Variants in BCL11A observed in about 807,000 individuals in gnomAD.
BCL11A encodes the protein B cell CLL/lymphoma 11A.
BCL11A carries 2 observed loss-of-function variants against 55.9 expected under a neutral mutation model. That is an observed-to-expected ratio of 0.04 (90% CI 0.01 to 0.11). The LOEUF is 0.11. Among genes scored for constraint, BCL11A ranks in the 10% least tolerant of loss-of-function variants. The pLI, the probability that BCL11A is intolerant of heterozygous loss-of-function variation, is 1.00. For synonymous variants in BCL11A, 465 were observed against 473.4 expected (o/e 0.98, Z 0.23); for missense variants, 817 against 1,137.1 (o/e 0.72, Z 4.05).
intron 3 of BCL11A, among the ~76,000 whole-genome samples, chr2:60,467,963 A>G (rs1484237038): frequency 1.9e-4 from 12 of 63,550 alleles, no homozygotes; most frequent in East Asian, 4.6e-4. Context: ...ACTGGTGGTG[A>G]TGGTGGTGGT....
At chr2:60,482,716 G>A (rs1678032662) in intron 2 of BCL11A, among the ~76,000 whole-genome samples, 2 of 152,344 alleles carry the variant, frequency 1.3e-5, no homozygotes, top group Non-Finnish European at 2.9e-5. Flanking sequence ...GAAGACTGCT[G>A]CTTCAGTGGT....
chr2:60,475,631 T>C (rs733628), intron 2 of BCL11A, among the ~76,000 whole-genome samples: 11,580 of 152,212 alleles, frequency 0.076, 578 homozygotes, highest in Non-Finnish European at 0.11. Flanking sequence ...CCCTCCAAAT[T>C]TCCCCTCTTT....
chr2:60,486,417 A>G (rs1185989628), intron 2 of BCL11A, among the ~76,000 whole-genome samples: 1 of 152,250 alleles, frequency 6.6e-6, no homozygotes, highest in Non-Finnish European at 1.5e-5. Flanking sequence ...GTAGTTAAGT[A>G]CTGAAGTGAG....
At chr2:60,526,649 T>C (rs1412607476) in intron 2 of BCL11A, 1 of 152,236 alleles carries the variant, frequency 6.6e-6, no homozygotes, top group Non-Finnish European at 1.5e-5. Flanking sequence ...CCTCTCGGAT[T>C]ATGAAACAAT....
At chr2:60,496,432 C>T (rs1003424769) in intron 2 of BCL11A, 9 of 152,298 alleles carry the variant, frequency 5.9e-5, no homozygotes, top group African/African-American at 2.2e-4. Flanking sequence ...TGCTGCCAGT[C>T]TGACAATAAG....
rs10699821 is a variant in BCL11A at position 60,530,332 on chromosome 2, TA to T, written c.385+15638del. ...TCCAACAAGTTAAACTTCAGCCATT[TA>T]AAAAAAAAAAAAAAAAAGAGTTTCC... On this transcript the variant is annotated intron_variant, in intron 2 of 3. Coordinates refer to ENST00000642384, the MANE Select transcript of BCL11A (RefSeq NM_022893.4). Among the ~76,000 whole-genome samples the T allele has an allele frequency of 8.9e-3, 1,158 of 129,878 alleles. 8 individuals are homozygous for T. The highest frequency in any genetic ancestry group is 0.027 in the African/African-American group (918 of 34,592). The allele number at this position is 129,878 out of a possible 152,430, so 85.2% of individuals were successfully genotyped here. A position where few individuals can be genotyped will look rare whatever the true frequency, so the allele number is the denominator to read the frequency against.
At chr2:60,489,439 G>A (rs887686978) in intron 2 of BCL11A, among the ~76,000 whole-genome samples, 1 of 152,230 alleles carries the variant, frequency 6.6e-6, no homozygotes, top group South Asian at 2.1e-4. Context: ...TTTCTTGGCA[G>A]TAAACACACG....
chr2:60,452,596 G>A (rs1449321882), downstream of BCL11A: 3 of 1,613,710 alleles, frequency 1.9e-6, no homozygotes, highest in South Asian at 3.3e-5. Flanking sequence ...GGGCTCTCGA[G>A]CTTCCATCCG....
At chr2:60,519,664 G>A (rs2104546143) in intron 2 of BCL11A, among the ~76,000 whole-genome samples, 1 of 152,308 alleles carries the variant, frequency 6.6e-6, no homozygotes, top group African/African-American at 2.4e-5. Context: ...AGAAAGTGAG[G>A]CTGGAACCAC....
intron 2 of BCL11A, among the ~76,000 whole-genome samples, chr2:60,506,726 C>A (rs900886819): frequency 6.6e-6 from 1 of 152,218 alleles, no homozygotes; most frequent in Non-Finnish European, 1.5e-5. Flanking sequence ...TCCTCCTAAA[C>A]GCCTGATATA....
rs7569946 is a variant in BCL11A, at chr2:60,460,824, A to G, written c.2088T>C (p.Ser696=). The change falls in exon 4 of 4, where the codon AGT becomes AGC. Residue 696 remains serine (S), a synonymous_variant. Transcript: ENST00000642384. ...SSSEHSSENG[S]LRFSTPPGEL... ...CCCCGGGCGGTGTGGAGAAGCGCAA[A>G]CTCCCGTTCTCCGAGGAGTGCTCCG... The G allele has an allele frequency of 0.65, 1,053,998 of 1,612,372 alleles. 352,793 individuals are homozygous for G. Among genetic ancestry groups the G allele is most frequent in the East Asian group, 1 (44,837 of 44,878 alleles).
chr2:60,521,331 C>T (rs1430385498), intron 2 of BCL11A, among the ~76,000 whole-genome samples: 1 of 152,208 alleles, frequency 6.6e-6, no homozygotes, highest in South Asian at 2.1e-4. Flanking sequence ...CGAGAGAGAG[C>T]GGACATTTTG....
downstream of BCL11A, among the ~76,000 whole-genome samples, chr2:60,453,501 C>T (rs1238684352): frequency 6.6e-6 from 1 of 152,212 alleles, no homozygotes; most frequent in Admixed American, 6.5e-5. Context: ...GGCCCGGGGT[C>T]TGGATCTCAG....
In BCL11A at chr2:60,553,438, A is replaced by G; in HGVS notation, c.-168T>C. On this transcript the variant is annotated 5_prime_UTR_variant, in exon 1 of 4. Transcript: ENST00000642384. Reference sequence around the variant, plus strand: ...ATTAGAAATAATACAAAGATGGCGCAGGGAAGATGAATTGTGGGAGAGCCG... The same window carrying G: ...ATTAGAAATAATACAAAGATGGCGCGGGGAAGATGAATTGTGGGAGAGCCG... 3.0e-6 allele frequency: 1 copy of G among 330,418 alleles called. No individual in the cohort carries two copies. Among genetic ancestry groups the G allele is most frequent in the Non-Finnish European group, 5.3e-6 (1 of 187,176 alleles). The allele number at this position is 330,418 out of a possible 1,614,324, so 20.5% of individuals were successfully genotyped here. A position where few individuals can be genotyped will look rare whatever the true frequency, so the allele number is the denominator to read the frequency against.
intron 2 of BCL11A, among the ~76,000 whole-genome samples, chr2:60,513,702 G>T (rs557451837): frequency 1.2e-4 from 19 of 152,236 alleles, no homozygotes; most frequent in African/African-American, 4.6e-4. Flanking sequence ...ACTGAAAAAA[G>T]AAAAAGAAAT....
rs769158594 is a variant in BCL11A, at chr2:60,462,119, G to A, written c.793C>T (p.Leu265=). 2.6e-6 allele frequency: 4 copies of A among 1,550,914 alleles called. No homozygotes were observed. Among genetic ancestry groups the A allele is most frequent in the South Asian group, 1.2e-5 (1 of 80,892 alleles). ...TGATGTCTCGGTGGTGGACTAAACA[G>A]GGGGGGAGTGGGTGGAAAGCGCCCT... ...AEGRFPPTPP[L]FSPPPRHHLD... The change falls in exon 4 of 4, where the codon CTG becomes TTG. Residue 265 remains leucine, a synonymous_variant. Coordinates refer to ENST00000642384, the MANE Select transcript of BCL11A (RefSeq NM_022893.4).
At chr2:60,533,190 TAGG>T (rs1314173914) in intron 2 of BCL11A, 1 of 152,254 alleles carries the variant, frequency 6.6e-6, no homozygotes, top group Admixed American at 6.5e-5. Flanking sequence ...TTGCTGCTTC[TAGG>T]GCTGTGTCAG....
At chr2:60,484,858 T>C (rs991636023) in intron 2 of BCL11A, among the ~76,000 whole-genome samples, 1 of 150,100 alleles carries the variant, frequency 6.7e-6, no homozygotes, top group Non-Finnish European at 1.5e-5. Context: ...TCTGGGGAGA[T>C]GGGAGAAGGG....
chr2:60,521,116 C>A (rs1033227492), intron 2 of BCL11A, among the ~76,000 whole-genome samples: 1 of 151,824 alleles, frequency 6.6e-6, no homozygotes, highest in African/African-American at 2.4e-5. Context: ...CACACACACA[C>A]ACACACACTC....
Sources: allele counts gnomAD v4.1 joint callset (sites outside exome capture counted in the v4.1 genomes callset), GRCh38; gene constraint gnomAD v4.1.1; transcripts MANE v1.5; gene names NCBI Gene and HGNC (gene_info 2026-07-23, HGNC 2026-07-21).